The following DYRK1A variants were observed in gnomAD, a reference collection of about 807,000 sequenced individuals.
The protein encoded by DYRK1A is dual specificity tyrosine phosphorylation regulated kinase 1A, also known as dual specificity tyrosine-phosphorylation-regulated kinase 1A.
DYRK1A carries 9 observed loss-of-function variants against 79.7 expected under a neutral mutation model. The ratio of observed to expected loss-of-function variants is 0.11; its 90% CI spans 0.07 to 0.20. The LOEUF is 0.20. Among genes scored for constraint, DYRK1A ranks in the 10% least tolerant of loss-of-function variants. DYRK1A has a pLI of 1.00. For synonymous variants in DYRK1A, 349 were observed against 329.7 expected, an observed-to-expected ratio of 1.06 and a Z score of -0.63; for missense variants, 622 against 956.0, an observed-to-expected ratio of 0.65 and a Z score of 4.61.
intron 3 of DYRK1A, 70 bp downstream of exon 3, chr21:37,472,950 A>G: frequency 1.6e-6 from 2 of 1,222,646 alleles, no homozygotes; most frequent in Non-Finnish European, 2.2e-6. Flanking sequence ...TGGAATACTA[A>G]GTAGGCAAAA....
chr21:37,404,323 A>G (rs901728200), intron 1 of DYRK1A, among the ~76,000 whole-genome samples: 4 of 152,190 alleles, frequency 2.6e-5, no homozygotes, highest in African/African-American at 9.7e-5. Flanking sequence ...ACAAGGTGTT[A>G]ATGAGATTTC....
chr21:37,460,610 A>C (rs767191009), intron 2 of DYRK1A, among the ~76,000 whole-genome samples: 1 of 152,168 alleles, frequency 6.6e-6, no homozygotes, highest in Non-Finnish European at 1.5e-5. Flanking sequence ...TTTGTTTCCA[A>C]ACGTCCCTAC....
rs2052877663 is a variant in DYRK1A at position 37,486,618 on chromosome 21, A to T, written c.637+4A>T. 6.4e-7 allele frequency: 1 copy of T among 1,551,696 alleles called. No individual in the cohort carries two copies. The highest frequency in any genetic ancestry group is 8.7e-7 in the Non-Finnish European group (1 of 1,150,328). On this transcript the variant is annotated splice_donor_region_variant and intron_variant, in intron 6 of 11. Coordinates refer to ENST00000647188, the MANE Select transcript of DYRK1A (RefSeq NM_001347721.2). ...ACTGAAATGAAATACTACATAGGTA[A>T]ACAAACAGGCAAACAGCGCAGTGTG...
chr21:37,376,147 G>A (rs1299656167), intron 1 of DYRK1A, among the ~76,000 whole-genome samples: 1 of 152,152 alleles, frequency 6.6e-6, no homozygotes, highest in East Asian at 1.9e-4. Flanking sequence ...TCAGAATGAT[G>A]CCTGCACTAA....
chr21:37,440,653 ATT>A (rs2051075369), intron 2 of DYRK1A, among the ~76,000 whole-genome samples: 2 of 151,826 alleles, frequency 1.3e-5, no homozygotes, highest in African/African-American at 4.8e-5. Context: ...ATTTAGGACT[ATT>A]TTGTTTTGAG....
At chr21:37,430,289 C>T (rs2050741688) in intron 2 of DYRK1A, 9 of 966,340 alleles carry the variant, frequency 9.3e-6, no homozygotes, top group Non-Finnish European at 1.1e-5. Context: ...ATATTGAAAA[C>T]AGAGAACTAT....
intron 6 of DYRK1A, 82 bp from the exon 7 acceptor site, chr21:37,490,093 T>A: frequency 7.5e-7 from 1 of 1,336,750 alleles, no homozygotes; most frequent in Non-Finnish European, 1.0e-6. Flanking sequence ...AATAATGTTA[T>A]AGAACATTTG....
chr21:37,490,691 AT>A (rs2053059995), intron 7 of DYRK1A, among the ~76,000 whole-genome samples: 1 of 151,786 alleles, frequency 6.6e-6, no homozygotes, highest in African/African-American at 2.4e-5. Context: ...TATCTTTAAA[AT>A]GTAGCACTTA....
intron 1 of DYRK1A, among the ~76,000 whole-genome samples, chr21:37,371,064 T>A (rs1182498759): frequency 6.6e-6 from 1 of 152,230 alleles, no homozygotes; most frequent in Non-Finnish European, 1.5e-5. Flanking sequence ...GAGTTAAAAT[T>A]TGTGTTTAAT....
intron 1 of DYRK1A, among the ~76,000 whole-genome samples, chr21:37,411,169 A>G (rs1191686726): frequency 6.6e-6 from 1 of 151,932 alleles, no homozygotes; most frequent in Non-Finnish European, 1.5e-5. Context: ...CAGCTGACCA[A>G]CATGGTGAAA....
At chr21:37,465,043 C>T (rs540545041) in intron 2 of DYRK1A, among the ~76,000 whole-genome samples, 44 of 152,308 alleles carry the variant, frequency 2.9e-4, no homozygotes, top group Middle Eastern at 6.8e-3. Flanking sequence ...ATTTCATACA[C>T]AGCAGTCGAG....
rs1449485150 is a variant in DYRK1A at position 37,506,281 on chromosome 21, A to G, written c.1644+58A>G. The G allele has an allele frequency of 1.2e-6, 2 of 1,613,462 alleles. No homozygotes were observed. The highest frequency in any genetic ancestry group is 1.3e-5 in the African/African-American group (1 of 74,922). ...ACCTGCCATTCTCAGGTGGAGCAGC[A>G]CTGGATGCCAGGTGCCTTTAGAATG... On this transcript the variant is annotated intron_variant, in intron 11 of 11. Coordinates refer to ENST00000647188, the MANE Select transcript of DYRK1A (RefSeq NM_001347721.2).
Position 37,411,583 on chromosome 21 carries a change from A to C in DYRK1A, c.-76-8716A>C, listed in dbSNP as rs1056408116. Reference sequence around the variant, plus strand: ...GAAGTACAGGTGTAGAAATGTTGACATTAACAAATGTCATATGTATTAGGA... The same window carrying C: ...GAAGTACAGGTGTAGAAATGTTGACCTTAACAAATGTCATATGTATTAGGA... On this transcript the variant is annotated intron_variant, in intron 1 of 11. Coordinates refer to ENST00000647188, the MANE Select transcript of DYRK1A (RefSeq NM_001347721.2). 3.3e-5 allele frequency among the ~76,000 whole-genome samples: 5 copies of C among 152,202 alleles called. No homozygotes were observed. In the East Asian group the frequency reaches 9.6e-4, roughly 29 times the overall value.
intron 5 of DYRK1A, among the ~76,000 whole-genome samples, chr21:37,485,691 G>A (rs935359579): frequency 4.6e-5 from 7 of 152,264 alleles, no homozygotes; most frequent in African/African-American, 1.7e-4. Context: ...TGGTTAATAA[G>A]AGATAACATT....
Position 37,406,358 on chromosome 21 carries a change from A to G in DYRK1A, c.-76-13941A>G, listed in dbSNP as rs138863157. Among the ~76,000 whole-genome samples, 40 of 152,312 alleles carry G rather than the reference A, an allele frequency of 2.6e-4. No individual in the cohort carries two copies. In the South Asian group the frequency reaches 5.8e-3, roughly 22 times the overall value. ...AGAAAAATTTCCCTTTTCTTCAGCTAGAGACCCCAGGCACCAACACACCCT... is the reference window on the plus strand; with the variant it reads ...AGAAAAATTTCCCTTTTCTTCAGCTGGAGACCCCAGGCACCAACACACCCT... On this transcript the variant is annotated intron_variant, in intron 1 of 11. Transcript: ENST00000647188.
intron 2 of DYRK1A, chr21:37,464,216 A>T: frequency 2.2e-6 from 1 of 446,126 alleles, no homozygotes; most frequent in Admixed American, 2.7e-5. Flanking sequence ...ATCTTTTTGA[A>T]TCTTATGTCC....
At position 37,515,820 on chromosome 21, in the gene DYRK1A, G is replaced by A. The variant is rs1601345651; in HGVS notation, c.*3289G>A. On this transcript the variant is annotated 3_prime_UTR_variant, in exon 12 of 12. Coordinates refer to ENST00000647188, the MANE Select transcript of DYRK1A (RefSeq NM_001347721.2). ...TGTGAGAATTTTACCTAGGCACATG[G>A]ATATTGGGCTGAAAAAAAAAAACCG... 1.3e-5 allele frequency: 2 copies of A among 151,170 alleles called. No individual in the cohort carries two copies. Among genetic ancestry groups the A allele is most frequent in the Middle Eastern group, 3.4e-3 (1 of 294 alleles). 9.4% of individuals were successfully genotyped at this position (151,170 alleles called of 1,614,324 possible). A position where few individuals can be genotyped will look rare whatever the true frequency, so the allele number is the denominator to read the frequency against.
chr21:37,423,281 T>G (rs1490309329), intron 2 of DYRK1A, among the ~76,000 whole-genome samples: 1 of 152,112 alleles, frequency 6.6e-6, no homozygotes, highest in Non-Finnish European at 1.5e-5. Flanking sequence ...CTCAGGTAAC[T>G]GCTTTCTGGA....
intron 2 of DYRK1A, among the ~76,000 whole-genome samples, chr21:37,454,121 C>A (rs1246162471): frequency 2.1e-5 from 2 of 93,234 alleles, no homozygotes; most frequent in Admixed American, 3.2e-4. Flanking sequence ...GAGACAAGGT[C>A]TCACTGTGTT....
Sources: gnomAD v4.1 joint callset for allele counts (sites outside exome capture counted in the v4.1 genomes callset) on GRCh38, gnomAD v4.1.1 for gene constraint, MANE v1.5 for transcripts, NCBI Gene and HGNC (gene_info 2026-07-23, HGNC 2026-07-21) for gene names.